Variants in PDE4D observed in about 807,000 individuals in gnomAD.
PDE4D encodes 3',5'-cyclic-AMP phosphodiesterase 4D.
In PDE4D, 24 loss-of-function variants were observed where a neutral mutation model predicts 87.4. That is an observed-to-expected ratio of 0.27 (90% CI 0.20 to 0.39). PDE4D has a LOEUF of 0.39. Among genes scored for constraint, PDE4D ranks in the 10% least tolerant of loss-of-function variants. The pLI is 1.00. For missense variants in PDE4D, 714 were observed against 1,041.0 expected (o/e 0.69, Z 4.32); for synonymous variants, 384 against 383.2 (o/e 1.00, Z -0.02).
chr5:59,980,153 C>G (rs896163795), intron 3 of PDE4D, among the ~76,000 whole-genome samples: 21 of 152,016 alleles, frequency 1.4e-4, no homozygotes, highest in Admixed American at 7.2e-4. Flanking sequence ...TACTGTAAAA[C>G]AGAATAAAAA....
rs1471020356 is a variant in PDE4D at position 59,489,283 on chromosome 5, A to C, written c.456-273315T>G. On this transcript the variant is annotated intron_variant, in intron 1 of 14. Transcript: ENST00000340635. ...CATCTCAAAAAAAAAAAACAAAAAA[A>C]ACAAAAAAAAACATTGTTGCTGTGG... Among the ~76,000 whole-genome samples the C allele has an allele frequency of 2.8e-5, 4 of 143,478 alleles. No homozygotes were observed. In the East Asian group the frequency reaches 5.9e-4, roughly 21 times the overall value. 94.1% of individuals were successfully genotyped at this position (143,478 alleles called of 152,430 possible).
intron 1 of PDE4D, among the ~76,000 whole-genome samples, chr5:59,857,017 T>C (rs1272975052): frequency 3.3e-5 from 5 of 152,158 alleles, no homozygotes; most frequent in Non-Finnish European, 2.9e-5. Flanking sequence ...TTATGTCACA[T>C]ACAAGAGTCC....
chr5:60,282,914 G>T (rs1386338396), intron 1 of PDE4D, among the ~76,000 whole-genome samples: 2 of 152,144 alleles, frequency 1.3e-5, no homozygotes, highest in Non-Finnish European at 1.5e-5. Flanking sequence ...AATGTACTGA[G>T]ATATATTTTA....
intron 1 of PDE4D, among the ~76,000 whole-genome samples, chr5:59,808,333 C>T (rs1767968279): frequency 6.6e-6 from 1 of 152,118 alleles, no homozygotes; most frequent in African/African-American, 2.4e-5. Flanking sequence ...TTCCTGGTTC[C>T]TGAGGCCAAT....
chr5:60,286,425 A>T (rs1752421851), intron 1 of PDE4D, among the ~76,000 whole-genome samples: 1 of 152,210 alleles, frequency 6.6e-6, no homozygotes, highest in South Asian at 2.1e-4. Flanking sequence ...CTCTAAAGAT[A>T]GACAGACATT....
At position 59,085,354 on chromosome 5, in the gene PDE4D, T is replaced by C. The variant is rs569619731; in HGVS notation, c.809-46383A>G. Among the ~76,000 whole-genome samples, 155 of 152,262 alleles carry C rather than the reference T, an allele frequency of 1.0e-3. 1 individual carries two copies. Among genetic ancestry groups the C allele is most frequent in the African/African-American group, 3.6e-3 (150 of 41,560 alleles). ...TGTTGTTAGTAAAACTCCTTCTCTC[T>C]CTACATACACACTCTCACACACAGA... On this transcript the variant is annotated intron_variant, in intron 5 of 14. Coordinates refer to ENST00000340635, the MANE Select transcript of PDE4D (RefSeq NM_001104631.2).
intron 5 of PDE4D, among the ~76,000 whole-genome samples, chr5:59,078,642 G>A (rs1382818059): frequency 1.3e-5 from 2 of 151,826 alleles, no homozygotes; most frequent in African/African-American, 4.8e-5. Flanking sequence ...CAGAGTAGCT[G>A]GAACTACAGG....
At chr5:59,453,634 G>A (rs957692174) in intron 1 of PDE4D, among the ~76,000 whole-genome samples, 1 of 152,142 alleles carries the variant, frequency 6.6e-6, no homozygotes, top group East Asian at 1.9e-4. Context: ...TCAGAACAAG[G>A]CCTTAACTCT....
At chr5:59,999,342 T>C (rs556551263) in intron 2 of PDE4D, among the ~76,000 whole-genome samples, 8 of 152,158 alleles carry the variant, frequency 5.3e-5, no homozygotes, top group African/African-American at 1.9e-4. Context: ...CTACATACTT[T>C]GGATGCCTGG....
chr5:60,185,005 C>A (rs1400068581), intron 2 of PDE4D, among the ~76,000 whole-genome samples: 1 of 151,972 alleles, frequency 6.6e-6, no homozygotes, highest in East Asian at 1.9e-4. Context: ...ACTGTGGTAC[C>A]TTAAGAACAC....
chr5:59,553,414 T>A (rs1474643851), intron 1 of PDE4D, among the ~76,000 whole-genome samples: 1 of 152,182 alleles, frequency 6.6e-6, no homozygotes, highest in African/African-American at 2.4e-5. Flanking sequence ...CTGAGATGGT[T>A]TTCCCTAATC....
chr5:59,175,551 G>A (rs1783712601), intron 5 of PDE4D, among the ~76,000 whole-genome samples: 2 of 132,504 alleles, frequency 1.5e-5, no homozygotes, highest in South Asian at 4.9e-4. Context: ...GCCTGATCTC[G>A]GCTCACTGCA....
At chr5:59,687,463 CA>C (rs1157135794) in intron 1 of PDE4D, among the ~76,000 whole-genome samples, 1 of 152,086 alleles carries the variant, frequency 6.6e-6, no homozygotes, top group Non-Finnish European at 1.5e-5. Flanking sequence ...ATTTCATATC[CA>C]GCCAAACTAA....
chr5:60,426,379 A>G (rs1743715923), intron 1 of PDE4D, among the ~76,000 whole-genome samples: 1 of 152,232 alleles, frequency 6.6e-6, no homozygotes, highest in African/African-American at 2.4e-5. Flanking sequence ...TGTCCTTTTC[A>G]GGGACATGGA....
At chr5:59,716,540 G>GGAA (rs1755056219) in intron 1 of PDE4D, among the ~76,000 whole-genome samples, 1 of 152,148 alleles carries the variant, frequency 6.6e-6, no homozygotes, top group Non-Finnish European at 1.5e-5. Context: ...CATCGTATAG[G>GGAA]GAAGTTGGTA....
At chr5:60,028,155 T>C (rs1766838594) in intron 2 of PDE4D, among the ~76,000 whole-genome samples, 1 of 152,218 alleles carries the variant, frequency 6.6e-6, no homozygotes. Context: ...CCAGACACTC[T>C]TCCTCTGTTA....
intron 1 of PDE4D, among the ~76,000 whole-genome samples, chr5:59,494,005 A>G (rs1192722963): frequency 6.6e-6 from 1 of 152,230 alleles, no homozygotes; most frequent in Non-Finnish European, 1.5e-5. Context: ...ATGCATGATA[A>G]TAAGATAAAA....
chr5:60,015,270 T>C (rs1765397628), intron 2 of PDE4D, among the ~76,000 whole-genome samples: 1 of 152,226 alleles, frequency 6.6e-6, no homozygotes. Context: ...AGAAGTGCTG[T>C]GGCCAGAGGG....
intron 6 of PDE4D, among the ~76,000 whole-genome samples, chr5:59,038,526 T>G (rs1374038053): frequency 6.6e-6 from 1 of 152,148 alleles, no homozygotes; most frequent in Non-Finnish European, 1.5e-5. Flanking sequence ...AATTCTTATT[T>G]TCAACCGGGA....
Sources: allele counts gnomAD v4.1 joint callset (sites outside exome capture counted in the v4.1 genomes callset), GRCh38; gene constraint gnomAD v4.1.1; transcripts MANE v1.5; gene names NCBI Gene and HGNC (gene_info 2026-07-23, HGNC 2026-07-21).